The following UNC13C variants were observed in gnomAD, a reference collection of about 807,000 sequenced individuals.
UNC13C encodes the protein protein unc-13 homolog C.
UNC13C carries 174 observed loss-of-function variants against 245.4 expected under a neutral mutation model. The observed-to-expected ratio is 0.71, with a 90% CI of 0.63 to 0.80. The LOEUF is 0.80. Ranked by LOEUF, UNC13C falls within the 30% of genes least tolerant of loss-of-function variation. UNC13C has a pLI of 0.00. For synonymous variants in UNC13C, 992 were observed against 895.1 expected (o/e 1.11, Z -1.93); for missense variants, 2,829 against 2,602.9 (o/e 1.09, Z -1.89).
chr15:54,210,786 C>G (rs1424996527), intron 4 of UNC13C, among the ~76,000 whole-genome samples: 1 of 152,118 alleles, frequency 6.6e-6, no homozygotes, highest in African/African-American at 2.4e-5. Flanking sequence ...GCAAAGCAGA[C>G]AGCATTGGCT....
At chr15:54,281,021 C>T (rs1250522551) in intron 10 of UNC13C, among the ~76,000 whole-genome samples, 3 of 151,968 alleles carry the variant, frequency 2.0e-5, no homozygotes, top group Non-Finnish European at 4.4e-5. Context: ...TGTTCTCAAA[C>T]TCCTGACCTC....
At chr15:54,279,321 T>G (rs1193274347) in intron 10 of UNC13C, among the ~76,000 whole-genome samples, 1 of 152,234 alleles carries the variant, frequency 6.6e-6, no homozygotes, top group Non-Finnish European at 1.5e-5. Flanking sequence ...TAGACTTAAG[T>G]GGAAAAGTTA....
chr15:54,458,865 C>A (rs1429147102), intron 19 of UNC13C, among the ~76,000 whole-genome samples: 1 of 151,548 alleles, frequency 6.6e-6, no homozygotes, highest in East Asian at 1.9e-4. Flanking sequence ...CATTCTGTAT[C>A]TTTTTAGTGG....
intron 7 of UNC13C, among the ~76,000 whole-genome samples, chr15:54,238,201 A>G (rs2035758939): frequency 6.7e-6 from 1 of 148,380 alleles, no homozygotes; most frequent in Non-Finnish European, 1.5e-5. Context: ...CAGCCTCCCT[A>G]GTAGCTGGGA....
At chr15:54,068,596 C>T (rs1335599176) in intron 2 of UNC13C, among the ~76,000 whole-genome samples, 1 of 152,078 alleles carries the variant, frequency 6.6e-6, no homozygotes, top group African/African-American at 2.4e-5. Context: ...AAGAAGTCTG[C>T]CAAACACTGC....
chr15:54,572,004 T>C (rs1897776038), intron 30 of UNC13C, among the ~76,000 whole-genome samples: 1 of 152,194 alleles, frequency 6.6e-6, no homozygotes, highest in Non-Finnish European at 1.5e-5. Flanking sequence ...TTACTTTTTT[T>C]TCTTTTCTCA....
chr15:54,229,259 G>T (rs190728753), intron 4 of UNC13C, among the ~76,000 whole-genome samples: 1 of 152,142 alleles, frequency 6.6e-6, no homozygotes, highest in Non-Finnish European at 1.5e-5. Context: ...GTAATTATAC[G>T]GTGTCATTCC....
chr15:54,606,997 G>A (rs1201983747), intron 30 of UNC13C, among the ~76,000 whole-genome samples: 2 of 152,308 alleles, frequency 1.3e-5, no homozygotes, highest in East Asian at 3.9e-4. Flanking sequence ...TTTATAAAGA[G>A]ACTATTTCCT....
At chr15:54,005,978 C>G (rs976288799) in intron 1 of UNC13C, among the ~76,000 whole-genome samples, 1 of 152,088 alleles carries the variant, frequency 6.6e-6, no homozygotes, top group Non-Finnish European at 1.5e-5. Context: ...GGCCGGTAAA[C>G]TGCTGTAGTA....
chr15:53,947,666 A>C, the UNC13C span: 8 of 152,244 alleles, frequency 5.3e-5, no homozygotes, highest in African/African-American at 1.9e-4. Context: ...TGTCCGTTCG[A>C]TCTTGTCACC....
chr15:53,900,894 A>G, the UNC13C span, among the ~76,000 whole-genome samples: 3 of 152,136 alleles, frequency 2.0e-5, no homozygotes, highest in Non-Finnish European at 2.9e-5. Flanking sequence ...TTCTTTTTCC[A>G]TAAGGGTTTA....
intron 19 of UNC13C, among the ~76,000 whole-genome samples, chr15:54,435,200 T>C (rs1488953426): frequency 1.3e-5 from 2 of 152,088 alleles, no homozygotes; most frequent in African/African-American, 2.4e-5. Flanking sequence ...GAACCAGAAA[T>C]ACCATTTGAC....
chr15:54,258,542 T>A (rs1255707564), intron 8 of UNC13C, among the ~76,000 whole-genome samples: 1 of 151,726 alleles, frequency 6.6e-6, no homozygotes, highest in East Asian at 1.9e-4. Flanking sequence ...TTTTTTGTAT[T>A]TTTTTTAGTA....
chr15:54,346,847 G>T (rs972170729), intron 17 of UNC13C, among the ~76,000 whole-genome samples: 18 of 152,138 alleles, frequency 1.2e-4, no homozygotes, highest in African/African-American at 3.6e-4. Context: ...TATCTATCCA[G>T]CAGATACCTA....
At chr15:53,933,743 C>T in the UNC13C span, among the ~76,000 whole-genome samples, 4 of 152,188 alleles carry the variant, frequency 2.6e-5, no homozygotes, top group Admixed American at 2.0e-4. Flanking sequence ...CATCTTCAGC[C>T]TTGTCTATCT....
At chr15:54,163,431 T>G (rs149527733) in intron 4 of UNC13C, among the ~76,000 whole-genome samples, 35 of 152,240 alleles carry the variant, frequency 2.3e-4, no homozygotes, top group African/African-American at 7.5e-4. Context: ...GCCATTAAAT[T>G]TGTGATAATT....
chr15:54,057,576 T>C (rs1257262697), intron 2 of UNC13C, among the ~76,000 whole-genome samples: 3 of 152,146 alleles, frequency 2.0e-5, no homozygotes, highest in East Asian at 1.9e-4. Context: ...AACCAGGATA[T>C]CCAGGAATTG....
the UNC13C span, among the ~76,000 whole-genome samples, chr15:53,894,526 C>T: frequency 6.6e-5 from 10 of 152,016 alleles, no homozygotes; most frequent in East Asian, 3.9e-4. Context: ...GAGTTATGGG[C>T]GAAAGTCTGC....
chr15:54,104,908 C>A (rs1431941773), intron 2 of UNC13C, among the ~76,000 whole-genome samples: 1 of 152,096 alleles, frequency 6.6e-6, no homozygotes, highest in Non-Finnish European at 1.5e-5. Context: ...GAGAGTTACA[C>A]TCTGGGGTAT....
Sources: allele counts gnomAD v4.1 joint callset (sites outside exome capture counted in the v4.1 genomes callset), GRCh38; gene constraint gnomAD v4.1.1; transcripts MANE v1.5; gene names NCBI Gene and HGNC (gene_info 2026-07-23, HGNC 2026-07-21).